The following CELF4 variants were observed in gnomAD, a reference collection of about 807,000 sequenced individuals.
The protein encoded by CELF4 is CUGBP Elav-like family member 4, also known as CUG-BP- and ETR-3-like factor 4.
A neutral mutation model predicts 59.9 loss-of-function variants in CELF4; 18 were observed. The observed-to-expected ratio is 0.30, with a 90% CI of 0.21 to 0.45. The LOEUF is 0.45. Among genes scored for constraint, CELF4 ranks in the 20% least tolerant of loss-of-function variants. CELF4 has a pLI of 1.00. For synonymous variants in CELF4, 261 were observed against 267.1 expected (o/e 0.98, Z 0.22); for missense variants, 456 against 689.0 (o/e 0.66, Z 3.79).
At chr18:37,430,677 G>T (rs541103932) in intron 2 of CELF4, among the ~76,000 whole-genome samples, 16 of 152,324 alleles carry the variant, frequency 1.1e-4, no homozygotes, top group South Asian at 2.1e-4. Context: ...AGAATGGGGG[G>T]AGCACTGAGC....
chr18:37,331,822 G>T (rs189029693), intron 2 of CELF4, among the ~76,000 whole-genome samples: 227 of 152,206 alleles, frequency 1.5e-3, no homozygotes, highest in East Asian at 0.01. Flanking sequence ...GTGTGAAAGG[G>T]TGTGCGGCAA....
intron 3 of CELF4, among the ~76,000 whole-genome samples, chr18:37,283,641 G>A (rs1183358185): frequency 6.6e-6 from 1 of 152,110 alleles, no homozygotes; most frequent in Non-Finnish European, 1.5e-5. Context: ...AAGGGACAAG[G>A]AGCTGACCTT....
chr18:37,279,186 A>G (rs931373759), intron 3 of CELF4, among the ~76,000 whole-genome samples: 18 of 152,100 alleles, frequency 1.2e-4, no homozygotes, highest in African/African-American at 3.9e-4. Context: ...GTTGCTTCCC[A>G]TAGTCGGGGT....
At chr18:37,360,617 C>T (rs573337733) in intron 2 of CELF4, among the ~76,000 whole-genome samples, 31 of 152,334 alleles carry the variant, frequency 2.0e-4, no homozygotes, top group African/African-American at 7.2e-4. Flanking sequence ...CACTGGTCTG[C>T]TCAGAGCCTG....
intron 12 of CELF4, among the ~76,000 whole-genome samples, chr18:37,247,694 CATGATA>C (rs924960620): frequency 2.6e-5 from 4 of 151,866 alleles, no homozygotes; most frequent in Non-Finnish European, 5.9e-5. Flanking sequence ...TATGCAGACA[CATGATA>C]CACTGTGAAC....
At chr18:37,352,433 G>A (rs1569567362) in intron 2 of CELF4, among the ~76,000 whole-genome samples, 2 of 151,882 alleles carry the variant, frequency 1.3e-5, no homozygotes, top group Non-Finnish European at 1.5e-5. Context: ...ACTTGAGCCC[G>A]GGAATTCAAG....
At chr18:37,478,355 G>A (rs1378804302) in intron 2 of CELF4, among the ~76,000 whole-genome samples, 1 of 152,190 alleles carries the variant, frequency 6.6e-6, no homozygotes, top group Non-Finnish European at 1.5e-5. Context: ...CCTCTTGTTT[G>A]TTTATTTCCT....
intron 2 of CELF4, among the ~76,000 whole-genome samples, chr18:37,415,839 G>C (rs1478118172): frequency 6.6e-6 from 1 of 152,138 alleles, no homozygotes; most frequent in Non-Finnish European, 1.5e-5. Context: ...GACACTCCCT[G>C]GACAGAACAC....
chr18:37,554,291 G>A (rs536107089), intron 1 of CELF4, among the ~76,000 whole-genome samples: 26 of 152,274 alleles, frequency 1.7e-4, no homozygotes, highest in South Asian at 2.1e-4. Flanking sequence ...TCTTTGTCCC[G>A]CAGGCTGGAT....
intron 1 of CELF4, among the ~76,000 whole-genome samples, chr18:37,489,198 G>A (rs1304552506): frequency 6.6e-6 from 1 of 152,274 alleles, no homozygotes; most frequent in African/African-American, 2.4e-5. Context: ...TGACACGCCA[G>A]CATGGCAGAT....
intron 2 of CELF4, among the ~76,000 whole-genome samples, chr18:37,376,273 AC>A (rs1274772726): frequency 6.6e-6 from 1 of 151,630 alleles, no homozygotes; most frequent in Non-Finnish European, 1.5e-5. Context: ...GAGGCCAACT[AC>A]CTTCCTCTGG....
chr18:37,499,852 G>A (rs1473015283), intron 1 of CELF4, among the ~76,000 whole-genome samples: 1 of 152,216 alleles, frequency 6.6e-6, no homozygotes, highest in East Asian at 1.9e-4. Context: ...GCACCAAGTG[G>A]GTCCTTGGCA....
At chr18:37,536,009 C>T (rs1347089343) in intron 1 of CELF4, among the ~76,000 whole-genome samples, 2 of 152,162 alleles carry the variant, frequency 1.3e-5, no homozygotes, top group Non-Finnish European at 2.9e-5. Flanking sequence ...GTTTATGTCT[C>T]TTCCTCTGAG....
intron 1 of CELF4, among the ~76,000 whole-genome samples, chr18:37,527,842 C>A (rs2099965593): frequency 6.6e-6 from 1 of 152,148 alleles, no homozygotes. Context: ...TTCTATAGGC[C>A]CACAGACTAA....
intron 2 of CELF4, among the ~76,000 whole-genome samples, chr18:37,370,178 G>C (rs1021900210): frequency 6.6e-6 from 1 of 152,200 alleles, no homozygotes; most frequent in South Asian, 2.1e-4. Context: ...ATCCCAGAAA[G>C]GTTCTCTGGC....
At chr18:37,287,137 C>T (rs539586682) in intron 3 of CELF4, among the ~76,000 whole-genome samples, 187 of 152,130 alleles carry the variant, frequency 1.2e-3, no homozygotes, top group Non-Finnish European at 1.8e-3. Flanking sequence ...CCCCGAGATA[C>T]GGATTTGAGG....
intron 1 of CELF4, among the ~76,000 whole-genome samples, chr18:37,544,918 C>A (rs1335563404): frequency 6.6e-6 from 1 of 152,162 alleles, no homozygotes. Flanking sequence ...GGGAGCTGAT[C>A]CTGGGGCTCC....
At chr18:37,284,242 C>G (rs1463479917) in intron 3 of CELF4, among the ~76,000 whole-genome samples, 2 of 151,390 alleles carry the variant, frequency 1.3e-5, no homozygotes, top group Non-Finnish European at 2.9e-5. Flanking sequence ...TACACATACA[C>G]ACAGATACAC....
intron 1 of CELF4, among the ~76,000 whole-genome samples, chr18:37,515,278 C>T (rs749378082): frequency 3.9e-5 from 6 of 152,152 alleles, no homozygotes; most frequent in Non-Finnish European, 8.8e-5. Context: ...TTCCTTATTC[C>T]CTTTTCTGTT....
Sources: gnomAD v4.1 joint callset for allele counts (sites outside exome capture counted in the v4.1 genomes callset) on GRCh38, gnomAD v4.1.1 for gene constraint, MANE v1.5 for transcripts, NCBI Gene and HGNC (gene_info 2026-07-23, HGNC 2026-07-21) for gene names.